Variants in PLEC observed in about 807,000 individuals in gnomAD.
PLEC encodes the protein hemidesmosomal protein 1.
PLEC carries 216 observed loss-of-function variants against 392.8 expected under a neutral mutation model. That is an observed-to-expected ratio of 0.55 (90% CI 0.49 to 0.62). The LOEUF is 0.62. Ranked by LOEUF, PLEC falls within the 20% of genes least tolerant of loss-of-function variation. The pLI, the probability that PLEC is intolerant of heterozygous loss-of-function variation, is 0.00. For synonymous variants in PLEC, 3,621 were observed against 2,980.6 expected (o/e 1.21, Z -7.00); for missense variants, 6,863 against 6,563.4 (o/e 1.05, Z -1.58).
At chr8:143,952,815 G>A (rs1832326201), upstream of PLEC, among the ~76,000 whole-genome samples, 1 of 152,142 alleles carries the variant, frequency 6.6e-6, no homozygotes, top group African/African-American at 2.4e-5. Flanking sequence ...CCGGCTCCGG[G>A]CAGGAAAGGG....
Position 143,918,205 on chromosome 8 carries a change from C to T in PLEC, c.11616G>A (p.Gln3872=), listed in dbSNP as rs1554674370. The part of the protein sequence containing the change: ...RRCRRDDGTG[Q]LLLPLSDARK... ...GGGCGTCCGACAGTGGCAGGAGCAG[C>T]TGGCCGGTGCCGTCGTCACGACGGC... Residue 3872 remains glutamine (Q), a synonymous_variant, in exon 32 of 32, where the codon CAG becomes CAA. Coordinates refer to ENST00000345136, the MANE Select transcript of PLEC (RefSeq NM_201384.3). 4.4e-6 allele frequency: 7 copies of T among 1,581,640 alleles called. No individual in the cohort carries two copies. Among genetic ancestry groups the T allele is most frequent in the Non-Finnish European group, 6.0e-6 (7 of 1,171,674 alleles).
upstream of PLEC, among the ~76,000 whole-genome samples, chr8:143,940,987 C>G (rs1410144561): frequency 6.6e-6 from 1 of 152,234 alleles, no homozygotes; most frequent in East Asian, 1.9e-4. Flanking sequence ...CAGGAGTCAC[C>G]AGAAGCCCCC....
chr8:143,966,197 G>A lies in PLEC; in HGVS notation c.70+7206C>T, dbSNP rs1310635284. On this transcript the variant is annotated intron_variant, in intron 1 of 31. Transcript: ENST00000356346. ...GCTTCCTCACGCCCCTTCCTCCTTC[G>A]CAGACCCAACAGGCCCCCATGGCTG... Among the ~76,000 whole-genome samples the A allele has an allele frequency of 3.3e-5, 5 of 152,028 alleles. No individual in the cohort carries two copies. In the East Asian group the frequency reaches 5.8e-4, roughly 18 times the overall value.
At chr8:143,928,255 C>A (rs554643638) in intron 25 of PLEC, among the ~76,000 whole-genome samples, 1 of 152,250 alleles carries the variant, frequency 6.6e-6, no homozygotes, top group South Asian at 2.1e-4. Flanking sequence ...GACCCCAAGG[C>A]CCCGAGACAG....
chr8:143,925,269 G>A lies in PLEC; in HGVS notation c.4660C>T (p.Gln1554Ter). Residue 1554 changes from glutamine to a stop codon, truncating the protein, a stop_gained, in exon 31 of 32, where the codon CAG becomes TAG. Transcript: ENST00000345136. LOFTEE classifies it high-confidence loss of function. ...QAEEAERRLR[Q>*]AEVERARQVQ... ...TGCCGCGCTCGCTCCACCTCGGCCT[G>A]CCGCAGGCGCCGCTCCGCCTCCTCC... 6.3e-7 allele frequency: 1 copy of A among 1,580,828 alleles called. No individual in the cohort carries two copies. Among genetic ancestry groups the A allele is most frequent in the Non-Finnish European group, 8.5e-7 (1 of 1,171,906 alleles).
chr8:143,969,090 A>G lies in PLEC; in HGVS notation c.70+4313T>C, dbSNP rs1833273812. On this transcript the variant is annotated intron_variant, in intron 1 of 31. Transcript: ENST00000356346. This position sits in a 1 kb window ranked among gnomAD's most constrained non-coding sequence, Gnocchi z 5.1. ...CATAGCAGCCTCACTCATAACAGCC[A>G]AAAGGTGGAAACAACCCACTATCCG... Among the ~76,000 whole-genome samples, 1 of 152,246 alleles carries G rather than the reference A, an allele frequency of 6.6e-6. No individual in the cohort carries two copies. The highest frequency in any genetic ancestry group is 2.4e-5 in the African/African-American group (1 of 41,470).
intron 1 of PLEC, chr8:143,944,697 G>C: frequency 1.5e-6 from 2 of 1,315,698 alleles, no homozygotes; most frequent in Non-Finnish European, 2.0e-6. Context: ...GGGGCAGACG[G>C]AGCGGGCCAG....
In PLEC at chr8:143,916,386, T is replaced by A. The variant is rs1014818553; in HGVS notation, c.13435A>T (p.Ser4479Cys). ...QSTKGYYSPY[S>C]VSGSGSTAGS... ...GCGGTAGAGCCGGAGCCGCTGACGC[T>A]GTAGGGGCTGTAGTAGCCCTTGGTG... The change falls in exon 32 of 32, where the codon AGC becomes TGC. Residue 4479 changes from serine to cysteine, a missense_variant. Transcript: ENST00000345136. The A allele has an allele frequency of 2.5e-6, 4 of 1,610,884 alleles. No homozygotes were observed. The highest frequency in any genetic ancestry group is 2.5e-6 in the Non-Finnish European group (3 of 1,179,118).
rs782252125 is a variant in PLEC, at chr8:143,922,641, G to A, written c.7288C>T (p.Leu2430=). The A allele has an allele frequency of 9.9e-6, 16 of 1,613,440 alleles. No individual in the cohort carries two copies. Among genetic ancestry groups the A allele is most frequent in the Admixed American group, 5.0e-5 (3 of 59,992 alleles). Residue 2430 remains leucine, a synonymous_variant, in exon 31 of 32, where the codon CTG becomes TTG. Coordinates refer to ENST00000345136, the MANE Select transcript of PLEC (RefSeq NM_201384.3). ...CGCTGGATCTCCAGTGTCTGCACCAGGGTCACCTTCTCCTGGGTGGCGAGC... is the reference window on the plus strand; with the variant it reads ...CGCTGGATCTCCAGTGTCTGCACCAAGGTCACCTTCTCCTGGGTGGCGAGC... ...TELATQEKVT[L]VQTLEIQRQQ...
upstream of PLEC, among the ~76,000 whole-genome samples, chr8:143,956,088 C>T (rs892895556): frequency 2.0e-5 from 3 of 151,950 alleles, no homozygotes; most frequent in Non-Finnish European, 4.4e-5. Flanking sequence ...GCTGGGACTA[C>T]GGATGTGTGC....
At chr8:143,937,971 C>T (rs1381271982) in intron 3 of PLEC, among the ~76,000 whole-genome samples, 180 bp downstream of exon 3, 1 of 152,162 alleles carries the variant, frequency 6.6e-6, no homozygotes, top group African/African-American at 2.4e-5. Context: ...CTGTGATGCC[C>T]AGCAGCCTGG....
At chr8:143,937,870 C>T (rs913304751) in intron 3 of PLEC, 1 of 627,610 alleles carries the variant, frequency 1.6e-6, no homozygotes, top group South Asian at 1.5e-5. Context: ...CAAAGCGGAG[C>T]ATGAGGTTAC....
chr8:143,922,406 A>G lies in PLEC; in HGVS notation c.7426-11T>C, dbSNP rs1295777490. On this transcript the variant is annotated splice_polypyrimidine_tract_variant and intron_variant, in intron 31 of 31. Transcript: ENST00000345136. ...CTGCACCGTCTGCATCTGCAGAAGA[A>G]GAGGGTGTGATCAGGGACCGCCAGC... 3.1e-6 allele frequency: 5 copies of G among 1,600,732 alleles called. No individual in the cohort carries two copies. The highest frequency in any genetic ancestry group is 3.3e-5 in the Admixed American group (2 of 59,992).
chr8:143,917,977 C>G lies in PLEC; in HGVS notation c.11844G>C (p.Ser3948=). 6.2e-7 allele frequency: 1 copy of G among 1,612,750 alleles called. No homozygotes were observed. Among genetic ancestry groups the G allele is most frequent in the Non-Finnish European group, 8.5e-7 (1 of 1,179,982 alleles). ...TGCCCTTCTTCATGGCCTGGTACAC[C>G]GAGAGCCGTTCCTTGGTGGCGTCCA... ...VFVDATKERL[S]VYQAMKKGII... The change falls in exon 32 of 32, where the codon TCG becomes TCC. Residue 3948 remains serine, a synonymous_variant. Coordinates refer to ENST00000345136, the MANE Select transcript of PLEC (RefSeq NM_201384.3).
In PLEC at chr8:143,938,184, G is replaced by A; in HGVS notation, c.231C>T (p.Ile77=). The A allele has an allele frequency of 6.2e-7, 1 of 1,609,096 alleles. No homozygotes were observed. ...CCCCCGAGAGGACCTCCAGCAGGGA[G>A]ATGAGGTTGTGGCCATCGCGGAGGT... ...YEDLRDGHNL[I]SLLEVLSGDS... is the part of the protein sequence containing the mutation. The change falls in exon 3 of 32, where the codon ATC becomes ATT. Residue 77 remains isoleucine (I), a synonymous_variant. Transcript: ENST00000345136.
intron 2 of PLEC, 177 bp downstream of exon 2, chr8:143,938,454 G>C (rs1009919308): frequency 6.5e-7 from 1 of 1,544,268 alleles, no homozygotes; most frequent in Non-Finnish European, 8.7e-7. Context: ...AGGAAGAGGA[G>C]GAAGAGAGAG....
At position 143,924,457 on chromosome 8, in the gene PLEC, C is replaced by G; in HGVS notation, c.5472G>C (p.Ala1824=). Residue 1824 remains alanine (A), a synonymous_variant, in exon 31 of 32, where the codon GCG becomes GCC. Transcript: ENST00000345136. ...GCTCCGCCTCGGCCCGCTGCCGCGC[C>G]GCGTCTTCCTCGGCCAGCTGCCGCT... is the stretch of plus-strand genomic sequence containing the variant. ...KRQRQLAEED[A]ARQRAEAERV... is the part of the protein sequence containing the mutation. 2.6e-6 allele frequency: 4 copies of G among 1,552,126 alleles called. No homozygotes were observed. Among genetic ancestry groups the G allele is most frequent in the Non-Finnish European group, 3.5e-6 (4 of 1,158,522 alleles).
At position 143,920,486 on chromosome 8, in the gene PLEC, T is replaced by C. The variant is rs1822224045; in HGVS notation, c.9335A>G (p.Gln3112Arg). The change falls in exon 32 of 32, where the codon CAG becomes CGG. Residue 3112 changes from glutamine (Q) to arginine (R), a missense_variant. By Grantham distance (43) the Gln-to-Arg change is conservative (BLOSUM62 1). Coordinates refer to ENST00000345136, the MANE Select transcript of PLEC (RefSeq NM_201384.3). ...CAGGGCCTGGAACAGGGAGACGCTC[T>C]GCCCTGTGTAGGGGTCCCTGTACCC... ...VTGYRDPYTG[Q>R]SVSLFQALKK... 6.2e-7 allele frequency: 1 copy of C among 1,607,868 alleles called. No homozygotes were observed. The highest frequency in any genetic ancestry group is 1.7e-5 in the Admixed American group (1 of 59,906).
intron 25 of PLEC, among the ~76,000 whole-genome samples, 161 bp downstream of exon 25, chr8:143,928,942 C>T (rs1159563196): frequency 1.3e-5 from 2 of 152,174 alleles, no homozygotes; most frequent in African/African-American, 4.8e-5. Context: ...CTCTTCTCAC[C>T]ACCTCTGCGG....
Sources: allele counts gnomAD v4.1 joint callset (sites outside exome capture counted in the v4.1 genomes callset), GRCh38; gene constraint gnomAD v4.1.1; non-coding constraint Gnocchi (gnomAD v3.1); transcripts MANE v1.5; gene names NCBI Gene and HGNC (gene_info 2026-07-23, HGNC 2026-07-21).